MTMR3: variants seen among roughly 807,000 people sequenced by gnomAD.
The protein encoded by MTMR3 is myotubularin related protein 3, also known as phosphatidylinositol-3,5-bisphosphate 3-phosphatase MTMR3.
Under a neutral mutation model 132.4 loss-of-function variants are expected in MTMR3, and 32 were observed. That is an observed-to-expected ratio of 0.24 (90% CI 0.18 to 0.32). The LOEUF (loss-of-function observed/expected upper bound fraction) is 0.32. Ranked by LOEUF, MTMR3 falls within the 10% of genes least tolerant of loss-of-function variation. MTMR3 has a pLI of 1.00. For synonymous variants in MTMR3, 556 were observed against 550.3 expected (o/e 1.01, Z -0.14); for missense variants, 1,216 against 1,489.6 (o/e 0.82, Z 3.02).
chr22:29,896,896 C>CACACACACACACACAT (rs1568994425), intron 1 of MTMR3, among the ~76,000 whole-genome samples: 1 of 151,032 alleles, frequency 6.6e-6, no homozygotes, highest in East Asian at 1.9e-4. Context: ...CACACACACA[C>CACACACACACACACAT]ACACACATAC....
chr22:29,946,005 GTGTGTGTGTATATATT>G (rs1333264564), intron 1 of MTMR3, among the ~76,000 whole-genome samples: 1 of 115,060 alleles, frequency 8.7e-6, no homozygotes, highest in Non-Finnish European at 1.7e-5. Context: ...TAAAACTTGT[GTGTGTGTGTATATATT>G]TGTGTGTGTG....
At chr22:29,954,671 C>T (rs930811962) in intron 1 of MTMR3, among the ~76,000 whole-genome samples, 5 of 152,148 alleles carry the variant, frequency 3.3e-5, no homozygotes, top group Admixed American at 6.5e-5. Flanking sequence ...TAAATTATCA[C>T]GTGATTTTTA....
intron 6 of MTMR3, chr22:29,990,914 T>A (rs1056406337): frequency 1.3e-5 from 2 of 152,262 alleles, no homozygotes; most frequent in African/African-American, 4.8e-5. Flanking sequence ...TAGTTTTCAC[T>A]AATTATTTTA....
At chr22:29,925,086 G>C (rs1438325900) in intron 1 of MTMR3, among the ~76,000 whole-genome samples, 1 of 152,210 alleles carries the variant, frequency 6.6e-6, no homozygotes, top group African/African-American at 2.4e-5. Flanking sequence ...AGGCTAGAGT[G>C]CAGTAGCACA....
intron 6 of MTMR3, chr22:29,990,248 A>G (rs1166142095): frequency 6.6e-6 from 1 of 152,220 alleles, no homozygotes; most frequent in Non-Finnish European, 1.5e-5. Context: ...ACCAAAAACC[A>G]ACAACGATGC....
intron 1 of MTMR3, among the ~76,000 whole-genome samples, chr22:29,902,504 C>T (rs1158401624): frequency 6.7e-6 from 1 of 150,170 alleles, no homozygotes; most frequent in African/African-American, 2.5e-5. Flanking sequence ...GTACCTGGGA[C>T]TACAGGCGCC....
At chr22:29,958,594 G>A (rs1191067109) in intron 2 of MTMR3, among the ~76,000 whole-genome samples, 2 of 152,046 alleles carry the variant, frequency 1.3e-5, no homozygotes, top group Non-Finnish European at 2.9e-5. Context: ...AATTTGGCTG[G>A]TTCAGTTATT....
chr22:29,930,598 G>A lies in MTMR3; in HGVS notation c.-137-26438G>A, dbSNP rs578165854. 1.6e-3 allele frequency among the ~76,000 whole-genome samples: 246 copies of A among 152,222 alleles called. 2 individuals carry two copies. The South Asian group carries it at 0.017, about 10-fold the overall frequency. ...TCCCAGCTACCTGGGAGGCTGAGGC[G>A]GGAGGATAACTTGAGCCAGGAAGGT... On this transcript the variant is annotated intron_variant, in intron 1 of 19. Coordinates refer to ENST00000401950, the MANE Select transcript of MTMR3 (RefSeq NM_021090.4).
At chr22:30,013,147 T>G in intron 13 of MTMR3, 1 of 423,832 alleles carries the variant, frequency 2.4e-6, no homozygotes, top group Non-Finnish European at 4.3e-6. Flanking sequence ...GTCAGTACCA[T>G]TTTAGTGATC....
intron 1 of MTMR3, among the ~76,000 whole-genome samples, chr22:29,947,765 T>C (rs1167353972): frequency 7.2e-5 from 11 of 152,192 alleles, no homozygotes; most frequent in Admixed American, 7.2e-4. Context: ...ATTTTCTTCC[T>C]GTATGTATTT....
chr22:30,010,287 A>G (rs550267780), intron 12 of MTMR3: 5 of 152,322 alleles, frequency 3.3e-5, no homozygotes, highest in African/African-American at 9.6e-5. Context: ...CATGTAATCA[A>G]CACTACATGA....
chr22:29,924,014 C>G (rs918610703), intron 1 of MTMR3, among the ~76,000 whole-genome samples: 1 of 152,104 alleles, frequency 6.6e-6, no homozygotes, highest in Non-Finnish European at 1.5e-5. Context: ...GTTGATAGTG[C>G]CCTTTGGTGC....
At chr22:30,003,083 G>A in intron 9 of MTMR3, 90 bp downstream of exon 9, 1 of 1,020,096 alleles carries the variant, frequency 9.8e-7, no homozygotes, top group Non-Finnish European at 1.5e-6. Flanking sequence ...ACCTGGGAAG[G>A]GTGGGGAGAG....
At chr22:29,994,661 A>T (rs1354355262) in intron 7 of MTMR3, 1 of 152,224 alleles carries the variant, frequency 6.6e-6, no homozygotes, top group African/African-American at 2.4e-5. Flanking sequence ...AGCAGTTAAT[A>T]AAGCCTTTTA....
chr22:30,016,487 A>G, intron 14 of MTMR3, 41 bp from the exon 15 acceptor site: 1 of 1,602,606 alleles, frequency 6.2e-7, no homozygotes, highest in South Asian at 1.1e-5. Context: ...CAGAGTGTGC[A>G]TGCCTGATTG....
intron 1 of MTMR3, among the ~76,000 whole-genome samples, chr22:29,894,962 C>T (rs150887880): frequency 2.6e-4 from 39 of 152,206 alleles, no homozygotes; most frequent in African/African-American, 6.0e-4. Context: ...CCTATAATAC[C>T]AGCACTTTGG....
At chr22:29,933,625 T>C (rs567514049) in intron 1 of MTMR3, among the ~76,000 whole-genome samples, 27 of 152,338 alleles carry the variant, frequency 1.8e-4, no homozygotes, top group African/African-American at 6.3e-4. Flanking sequence ...TTCCATTATC[T>C]TCACATAATT....
At chr22:29,952,725 C>T (rs2066108821) in intron 1 of MTMR3, among the ~76,000 whole-genome samples, 2 of 152,132 alleles carry the variant, frequency 1.3e-5, no homozygotes, top group South Asian at 2.1e-4. Flanking sequence ...ACTCTCTGCT[C>T]GTCTGTTTTC....
chr22:29,998,767 A>G lies in MTMR3; in HGVS notation c.467A>G (p.His156Arg), dbSNP rs1268323269. 4 of 1,612,424 alleles carry G rather than the reference A, an allele frequency of 2.5e-6. No homozygotes were observed. The highest frequency in any genetic ancestry group is 2.2e-5 in the East Asian group (1 of 44,786). Residue 156 changes from histidine to arginine, a missense_variant, in exon 8 of 20, where the codon CAT (histidine) becomes CGT (arginine). Physicochemically the swap from His to Arg is conservative, Grantham distance 29. Around this residue, in one of 7 missense-constraint regions of MTMR3, gnomAD observed 129 missense variants for 245.7 expected, o/e 0.53. Transcript: ENST00000401950. ...GTTTATCTTTGGCCTCTAGGGGAGC[A>G]TGTAACTTCAAGGTTTAAAAACGAG... ...QHGDLCRPGE[H>R]VTSRFKNEVE...
Sources: gnomAD v4.1 joint callset for allele counts (sites outside exome capture counted in the v4.1 genomes callset) on GRCh38, gnomAD v4.1.1 for gene constraint, gnomAD v4.1.1 regional missense constraint, MANE v1.5 for transcripts, NCBI Gene and HGNC (gene_info 2026-07-23, HGNC 2026-07-21) for gene names.